GET3: variants seen among roughly 807,000 people sequenced by gnomAD.
The protein encoded by GET3 is ATPase GET3.
GET3 carries 15 observed loss-of-function variants against 32.4 expected under a neutral mutation model. The observed-to-expected ratio is 0.46, with a 90% CI of 0.31 to 0.71. The LOEUF is 0.71. Among genes scored for constraint, GET3 ranks in the 30% least tolerant of loss-of-function variants. The probability of loss-of-function intolerance (pLI) is 0.05; values close to 1 mark genes in which losing one functional copy is unlikely to be tolerated. For missense variants in GET3, 333 were observed against 459.0 expected (o/e 0.73, Z 2.51); for synonymous variants, 198 against 185.6 (o/e 1.07, Z -0.54).
At chr19:12,743,919 CG>C (rs1302261943) in intron 2 of GET3, among the ~76,000 whole-genome samples, 6 of 143,748 alleles carry the variant, frequency 4.2e-5, no homozygotes, top group Non-Finnish European at 6.1e-5. Flanking sequence ...TTAGTAGAGA[CG>C]GGGTTTCACC....
intron 2 of GET3, among the ~76,000 whole-genome samples, chr19:12,742,281 G>A (rs530594888): frequency 6.6e-6 from 1 of 150,814 alleles, no homozygotes; most frequent in South Asian, 2.1e-4. Flanking sequence ...ACCCAGGCTG[G>A]AGTGCAGTGG....
At position 12,747,149 on chromosome 19, in the gene GET3, G is replaced by C. The variant is rs1279136092; in HGVS notation, c.610-48G>C. 3 of 1,507,416 alleles carry C rather than the reference G, an allele frequency of 2.0e-6. No individual in the cohort carries two copies. Among genetic ancestry groups the C allele is most frequent in the Non-Finnish European group, 2.7e-6 (3 of 1,122,000 alleles). The allele number at this position is 1,507,416 out of a possible 1,614,324, so 93.4% of individuals were successfully genotyped here. On this transcript the variant is annotated intron_variant, in intron 4 of 6. Coordinates refer to ENST00000357332, the MANE Select transcript of GET3 (RefSeq NM_004317.4). The surrounding 1 kb of genome is among the most constrained non-coding windows in gnomAD (Gnocchi z 4.0). The stretch of plus-strand genomic sequence containing the variant: ...GGGTGTTTAGTGAACCCCCAACCCA[G>C]GAGGTCGCCGCAGGTAAGCTATGAG...
chr19:12,745,016 A>T lies in GET3; in HGVS notation c.310-361A>T, dbSNP rs1160866011. 6.6e-6 allele frequency among the ~76,000 whole-genome samples: 1 copy of T among 151,962 alleles called. No individual in the cohort carries two copies. The highest frequency in any genetic ancestry group is 1.5e-5 in the Non-Finnish European group (1 of 67,978). The stretch of plus-strand genomic sequence containing the variant: ...GGTCAGGGAGTCTCTCAGTGGAGGG[A>T]TGATGATCCGGAAGAGGTCATGGCC... On this transcript the variant is annotated intron_variant, in intron 2 of 6. Coordinates refer to ENST00000357332, the MANE Select transcript of GET3 (RefSeq NM_004317.4). This position sits in a 1 kb window ranked among gnomAD's most constrained non-coding sequence, Gnocchi z 5.0.
Position 12,745,231 on chromosome 19 carries a change from C to T in GET3, c.310-146C>T. ...TACCTCAGGGTCCCCCCAGCCGTGA[C>T]CTAATGAAATGCCTGTGGTCACAGC... On this transcript the variant is annotated intron_variant, in intron 2 of 6. Coordinates refer to ENST00000357332, the MANE Select transcript of GET3 (RefSeq NM_004317.4). This position sits in a 1 kb window ranked among gnomAD's most constrained non-coding sequence, Gnocchi z 5.0. 1 of 850,498 alleles carries T rather than the reference C, an allele frequency of 1.2e-6. No individual in the cohort carries two copies. Among genetic ancestry groups the T allele is most frequent in the Non-Finnish European group, 1.8e-6 (1 of 554,136 alleles). The allele number at this position is 850,498 out of a possible 1,614,324, so 52.7% of individuals were successfully genotyped here.
chr19:12,747,706 A>C lies in GET3; in HGVS notation c.915+114A>C. 7.5e-7 allele frequency: 1 copy of C among 1,326,502 alleles called. No individual in the cohort carries two copies. Among genetic ancestry groups the C allele is most frequent in the Non-Finnish European group, 1.0e-6 (1 of 972,932 alleles). The allele number at this position is 1,326,502 out of a possible 1,614,324, so 82.2% of individuals were successfully genotyped here. On this transcript the variant is annotated intron_variant, in intron 6 of 6. Transcript: ENST00000357332. This position sits in a 1 kb window ranked among gnomAD's most constrained non-coding sequence, Gnocchi z 4.0. ...CTCTAGCCTCCTGCCCTTTGCCCCC[A>C]CATTTCAGATCCTTCACCCTTATTC...
chr19:12,746,992 AGAGT>A (rs1468035328), intron 4 of GET3, among the ~76,000 whole-genome samples: 4 of 151,276 alleles, frequency 2.6e-5, no homozygotes, highest in East Asian at 1.9e-4. Context: ...CCTGGGCAAC[AGAGT>A]GAGACTCCAT....
In GET3 at chr19:12,747,303, C is replaced by T. The variant is rs1325184016; in HGVS notation, c.716C>T (p.Pro239Leu). 2 of 1,610,086 alleles carry T rather than the reference C, an allele frequency of 1.2e-6. No homozygotes were observed. The highest frequency in any genetic ancestry group is 1.7e-5 in the Admixed American group (1 of 59,816). ...TCAGTCAGCGAACAGTTCAAGGACCCTGTGAGTGGTGGTCTGGCTGGCGGT... is the reference window on the plus strand; with the variant it reads ...TCAGTCAGCGAACAGTTCAAGGACCTTGTGAGTGGTGGTCTGGCTGGCGGT... ...IRSVSEQFKD[P>L]EQTTFICVCI... is the part of the protein sequence containing the mutation. Residue 239 changes from proline to leucine, a missense_variant and splice_region_variant, in exon 5 of 7, where the codon CCT becomes CTT. Physicochemically the swap from Pro to Leu is moderately conservative, Grantham distance 98. Transcript: ENST00000357332. The surrounding 1 kb of genome is among the most constrained non-coding windows in gnomAD (Gnocchi z 4.0).
chr19:12,739,550 G>A (rs1967627793), intron 2 of GET3, among the ~76,000 whole-genome samples: 1 of 152,214 alleles, frequency 6.6e-6, no homozygotes, highest in African/African-American at 2.4e-5. Flanking sequence ...TTGTCTCTCT[G>A]AGCAGCTGGG....
chr19:12,739,256 C>T (rs910489254), intron 2 of GET3, among the ~76,000 whole-genome samples: 1 of 152,212 alleles, frequency 6.6e-6, no homozygotes, highest in African/African-American at 2.4e-5. Flanking sequence ...CAACCTCCGC[C>T]TCCCAGGTTC....
rs565916040 is a variant in GET3 at position 12,740,210 on chromosome 19, A to G, written c.309+1552A>G. Among the ~76,000 whole-genome samples, 16 of 151,012 alleles carry G rather than the reference A, an allele frequency of 1.1e-4. No individual in the cohort carries two copies. In the South Asian group the frequency reaches 2.3e-3, roughly 22 times the overall value. On this transcript the variant is annotated intron_variant, in intron 2 of 6. Coordinates refer to ENST00000357332, the MANE Select transcript of GET3 (RefSeq NM_004317.4). ...CTCCTGGCTAACACGGTGAAAGCCC[A>G]TCTCTACTAAAAATACAAAAAATAG...
Position 12,743,855 on chromosome 19 carries a change from A to G in GET3, c.310-1522A>G, listed in dbSNP as rs1226859242. 5.6e-4 allele frequency among the ~76,000 whole-genome samples: 72 copies of G among 129,212 alleles called. No homozygotes were observed. The East Asian group carries it at 0.016, about 28-fold the overall frequency. The allele number at this position is 129,212 out of a possible 152,430, so 84.8% of individuals were successfully genotyped here. A position where few individuals can be genotyped will look rare whatever the true frequency, so the allele number is the denominator to read the frequency against. ...TGCCATTCTCCTGCCTCAGCCTCCC[A>G]AGTAGCTGGGACTACAGGCACCCGC... is the stretch of plus-strand genomic sequence containing the variant. On this transcript the variant is annotated intron_variant, in intron 2 of 6. Coordinates refer to ENST00000357332, the MANE Select transcript of GET3 (RefSeq NM_004317.4).
At chr19:12,744,856 G>T (rs1007943610) in intron 2 of GET3, among the ~76,000 whole-genome samples, 1 of 152,106 alleles carries the variant, frequency 6.6e-6, no homozygotes, top group Non-Finnish European at 1.5e-5. Context: ...GGGCTCAAGC[G>T]ATCCTCCCAT....
chr19:12,745,831 C>A lies in GET3; in HGVS notation c.609+72C>A. 1 of 1,513,296 alleles carries A rather than the reference C, an allele frequency of 6.6e-7. No homozygotes were observed. Among genetic ancestry groups the A allele is most frequent in the Non-Finnish European group, 8.8e-7 (1 of 1,132,366 alleles). 93.7% of individuals were successfully genotyped at this position (1,513,296 alleles called of 1,614,324 possible). ...GGGAGTAGGCCCGGGCCCCCAGACC[C>A]TCAAATGCGCACTAACAATTCCCTT... On this transcript the variant is annotated intron_variant, in intron 4 of 6. Transcript: ENST00000357332. This position sits in a 1 kb window ranked among gnomAD's most constrained non-coding sequence, Gnocchi z 5.0.
rs1433469155 is a variant in GET3, at chr19:12,747,427, T to C, written c.750T>C (p.Ala250=). The part of the protein sequence containing the change: ...EQTTFICVCI[A]EFLSLYETER... ...CAACTTTCATCTGCGTATGCATTGC[T>C]GAGTTCCTGTCCCTGTATGAGACAG... The change falls in exon 6 of 7, where the codon GCT becomes GCC. Residue 250 remains alanine, a synonymous_variant. Transcript: ENST00000357332. The surrounding 1 kb of genome is among the most constrained non-coding windows in gnomAD (Gnocchi z 4.0). 4 of 1,613,996 alleles carry C rather than the reference T, an allele frequency of 2.5e-6. No individual in the cohort carries two copies. The highest frequency in any genetic ancestry group is 8.5e-7 in the Non-Finnish European group (1 of 1,179,960).
rs1430866772 is a variant in GET3, at chr19:12,747,613, C to G, written c.915+21C>G. 6.2e-7 allele frequency: 1 copy of G among 1,609,470 alleles called. No individual in the cohort carries two copies. Among genetic ancestry groups the G allele is most frequent in the Non-Finnish European group, 8.5e-7 (1 of 1,178,598 alleles). On this transcript the variant is annotated intron_variant, in intron 6 of 6. Transcript: ENST00000357332. This position sits in a 1 kb window ranked among gnomAD's most constrained non-coding sequence, Gnocchi z 4.0. The stretch of plus-strand genomic sequence containing the variant: ...ACCAGGTGTGCCCACCCACCCAGCA[C>G]TGGCTCAGCAGAGGCACCTCTGCCC...
rs1444366116 is a variant in GET3 at position 12,743,885 on chromosome 19, T to A, written c.310-1492T>A. 7.0e-4 allele frequency among the ~76,000 whole-genome samples: 94 copies of A among 133,688 alleles called. 1 individual carries two copies. In the East Asian group the frequency reaches 0.019, roughly 27 times the overall value. The allele number at this position is 133,688 out of a possible 152,430, so 87.7% of individuals were successfully genotyped here. A position where few individuals can be genotyped will look rare whatever the true frequency, so the allele number is the denominator to read the frequency against. ...GCTGGGACTACAGGCACCCGCCACC[T>A]CGCCCGGCTAATTTTTTGTATTTTT... is the stretch of plus-strand genomic sequence containing the variant. On this transcript the variant is annotated intron_variant, in intron 2 of 6. Transcript: ENST00000357332.
rs929000340 is a variant in GET3 at position 12,748,257 on chromosome 19, G to A, written c.*153G>A. ...GGGTCCATTCCCCCTGGTGGGGCTG[G>A]TGGGGAGCTGTAGTTGCCCCCTACC... is the stretch of plus-strand genomic sequence containing the variant. On this transcript the variant is annotated 3_prime_UTR_variant, in exon 7 of 7. Transcript: ENST00000357332. 1.7e-5 allele frequency: 12 copies of A among 688,180 alleles called. No individual in the cohort carries two copies. Among genetic ancestry groups the A allele is most frequent in the Non-Finnish European group, 2.5e-5 (11 of 445,466 alleles). 42.6% of individuals were successfully genotyped at this position (688,180 alleles called of 1,614,324 possible).
chr19:12,747,980 A>T lies in GET3; in HGVS notation c.923A>T (p.Asp308Val). Residue 308 changes from aspartate to valine, a missense_variant, in exon 7 of 7, where the codon GAC (aspartate) becomes GTC (valine). Transcript: ENST00000357332. This position sits in a 1 kb window ranked among gnomAD's most constrained non-coding sequence, Gnocchi z 4.0. ...CCTCTGCCCTGGCTGCAGATGGAGG[A>T]CCTGTATGAAGACTTCCACATCGTG... ...IQAKYLDQME[D>V]LYEDFHIVKL... 6.3e-7 allele frequency: 1 copy of T among 1,599,764 alleles called. No individual in the cohort carries two copies. Among genetic ancestry groups the T allele is most frequent in the Non-Finnish European group, 8.5e-7 (1 of 1,170,310 alleles).
rs1275178081 is a variant in GET3, at chr19:12,748,162, C to T, written c.*58C>T. On this transcript the variant is annotated 3_prime_UTR_variant, in exon 7 of 7. Transcript: ENST00000357332. The stretch of plus-strand genomic sequence containing the variant: ...CACTCACCCTCCACCCTCCCCACCC[C>T]CTCGGGGCAGAGTTTGCACAAAGTC... 2.0e-6 allele frequency: 3 copies of T among 1,494,366 alleles called. No homozygotes were observed. The highest frequency in any genetic ancestry group is 2.7e-6 in the Non-Finnish European group (3 of 1,113,834). The allele number at this position is 1,494,366 out of a possible 1,614,324, so 92.6% of individuals were successfully genotyped here. A position where few individuals can be genotyped will look rare whatever the true frequency, so the allele number is the denominator to read the frequency against.
Sources: allele counts gnomAD v4.1 joint callset (sites outside exome capture counted in the v4.1 genomes callset), GRCh38; gene constraint gnomAD v4.1.1; non-coding constraint Gnocchi (gnomAD v3.1); transcripts MANE v1.5; gene names NCBI Gene and HGNC (gene_info 2026-07-23, HGNC 2026-07-21).